The following POU2F2 variants were observed in gnomAD, a reference collection of about 807,000 sequenced individuals.
POU2F2 encodes the protein POU class 2 homeobox 2, also known as POU domain, class 2, transcription factor 2.
In POU2F2, 14 loss-of-function variants were observed where a neutral mutation model predicts 63.5. The ratio of observed to expected loss-of-function variants is 0.22; its 90% CI spans 0.15 to 0.34. POU2F2 has a LOEUF of 0.34. POU2F2 is among the 10% of genes least tolerant of loss of function. POU2F2 has a pLI of 1.00. For synonymous variants in POU2F2, 306 were observed against 348.6 expected (o/e 0.88, Z 1.36); for missense variants, 607 against 815.2 (o/e 0.74, Z 3.11).
intron 2 of POU2F2, among the ~76,000 whole-genome samples, chr19:42,150,614 G>A (rs1052449179): frequency 1.5e-4 from 22 of 145,608 alleles, no homozygotes; most frequent in African/African-American, 4.4e-4. Context: ...CCTTCGCAGC[G>A]ACCAGGGCCC....
rs1439733127 is a variant in POU2F2 at position 42,087,421 on chromosome 19, C to T, written c.*3836G>A. 5.3e-5 allele frequency: 8 copies of T among 151,956 alleles called. No individual in the cohort carries two copies. The highest frequency in any genetic ancestry group is 1.0e-4 in the Non-Finnish European group (7 of 68,002). 9.4% of individuals were successfully genotyped at this position (151,956 alleles called of 1,614,324 possible). On this transcript the variant is annotated 3_prime_UTR_variant, in exon 15 of 15. Transcript: ENST00000692977. The stretch of plus-strand genomic sequence containing the variant: ...AGATCTCCCCAGGGCTTGGAGAGCC[C>T]GTCATGGCCTTCTCCAGGGAGATGG...
chr19:42,163,869 G>A (rs923085949), intron 1 of POU2F2, among the ~76,000 whole-genome samples: 1 of 152,134 alleles, frequency 6.6e-6, no homozygotes, highest in Non-Finnish European at 1.5e-5. Flanking sequence ...TAGAGTTGTT[G>A]AAAACATGTT....
rs1238062394 is a variant in POU2F2 at position 42,089,270 on chromosome 19, GGA to G, written c.*1985_*1986del. Reference sequence around the variant, plus strand: ...AGGAGAGGAGAGAGGAAGGAGGGGAGGAGAGAGGAAGGAGGGGAGGAGAGAGG... The same window carrying G: ...AGGAGAGGAGAGAGGAAGGAGGGGAGGAGAGGAAGGAGGGGAGGAGAGAGG... On this transcript the variant is annotated 3_prime_UTR_variant, in exon 15 of 15. Transcript: ENST00000692977. 1 of 152,536 alleles carries G rather than the reference GGA, an allele frequency of 6.6e-6. No homozygotes were observed. Among genetic ancestry groups the G allele is most frequent in the Non-Finnish European group, 1.5e-5 (1 of 68,016 alleles). 9.4% of individuals were successfully genotyped at this position (152,536 alleles called of 1,614,324 possible).
chr19:42,190,656 C>A (rs146280835), intron 1 of POU2F2, among the ~76,000 whole-genome samples: 1 of 152,028 alleles, frequency 6.6e-6, no homozygotes, highest in Non-Finnish European at 1.5e-5. Flanking sequence ...GAATTCGAGA[C>A]CAGCCTGGCC....
intron 2 of POU2F2, among the ~76,000 whole-genome samples, chr19:42,139,953 C>T (rs2034094241): frequency 6.6e-6 from 1 of 152,198 alleles, no homozygotes; most frequent in African/African-American, 2.4e-5. Context: ...GAAGCTGAGG[C>T]CCACAGTCAC....
In POU2F2 at chr19:42,096,245, TGGTGGGGTGGGCA is replaced by T; in HGVS notation, c.568-15_568-3del. The stretch of plus-strand genomic sequence containing the variant: ...GGGCAGCGTAGGGCGGGTCACGGCC[TGGTGGGGTGGGCA>T]GGTGGGTGGGATGCAGGGCGGAGGA... On this transcript the variant is annotated splice_region_variant and splice_polypyrimidine_tract_variant and intron_variant, in intron 7 of 14. Transcript: ENST00000692977. The surrounding 1 kb of genome is among the most constrained non-coding windows in gnomAD (Gnocchi z 4.1). 2 of 1,216,204 alleles carry T rather than the reference TGGTGGGGTGGGCA, an allele frequency of 1.6e-6. No individual in the cohort carries two copies. The highest frequency in any genetic ancestry group is 2.3e-6 in the Non-Finnish European group (2 of 871,628). 75.3% of individuals were successfully genotyped at this position (1,216,204 alleles called of 1,614,324 possible). A position where few individuals can be genotyped will look rare whatever the true frequency, so the allele number is the denominator to read the frequency against.
Position 42,167,327 on chromosome 19 carries a change from G to A in POU2F2, c.-69-6935C>T, listed in dbSNP as rs543314255. On this transcript the variant is annotated intron_variant, in intron 1 of 6. Transcript: ENST00000524801. ...AAATTAGGTAGGCATGGTGGCGTGC[G>A]CCTGTAGTCCCAGCTACTCAAGAGG... 3.9e-5 allele frequency among the ~76,000 whole-genome samples: 6 copies of A among 151,954 alleles called. No homozygotes were observed. The East Asian group carries it at 7.7e-4, about 20-fold the overall frequency.
At position 42,156,892 on chromosome 19, in the gene POU2F2, T is replaced by C. The variant is rs1167903692; in HGVS notation, c.-9+3440A>G. On this transcript the variant is annotated intron_variant, in intron 2 of 6. Transcript: ENST00000524801. The surrounding 1 kb of genome is among the most constrained non-coding windows in gnomAD (Gnocchi z 4.1). Reference sequence around the variant, plus strand: ...AGACCCAGGATGAAAGCCGCTCACCTAGAGCAAAGCTTCTGCTTCCGAGGC... The same window carrying C: ...AGACCCAGGATGAAAGCCGCTCACCCAGAGCAAAGCTTCTGCTTCCGAGGC... 6.6e-6 allele frequency: 1 copy of C among 152,258 alleles called. No individual in the cohort carries two copies. Among genetic ancestry groups the C allele is most frequent in the Admixed American group, 6.5e-5 (1 of 15,290 alleles). The allele number at this position is 152,258 out of a possible 1,614,324, so 9.4% of individuals were successfully genotyped here.
chr19:42,160,724 G>C (rs2034536743), intron 1 of POU2F2, among the ~76,000 whole-genome samples: 1 of 152,198 alleles, frequency 6.6e-6, no homozygotes, highest in Non-Finnish European at 1.5e-5. Context: ...TTTGGCAGAG[G>C]GCCTGGCAAA....
intron 1 of POU2F2, among the ~76,000 whole-genome samples, chr19:42,188,381 A>T (rs569287435): frequency 7.9e-5 from 12 of 151,248 alleles, no homozygotes; most frequent in African/African-American, 2.7e-4. Context: ...AAAAAAAAAG[A>T]AAAAAAGGGC....
rs1374692620 is a variant in POU2F2 at position 42,089,655 on chromosome 19, G to C, written c.*1602C>G. 6.6e-6 allele frequency: 1 copy of C among 151,440 alleles called. No homozygotes were observed. The highest frequency in any genetic ancestry group is 1.9e-4 in the East Asian group (1 of 5,136). 9.4% of individuals were successfully genotyped at this position (151,440 alleles called of 1,614,324 possible). Reference sequence around the variant, plus strand: ...GCCTGGACCACCGGTGCAGGGGCTTGGCTCCGCCTCGCGGTTCCATCTTAT... The same window carrying C: ...GCCTGGACCACCGGTGCAGGGGCTTCGCTCCGCCTCGCGGTTCCATCTTAT... On this transcript the variant is annotated 3_prime_UTR_variant, in exon 15 of 15. Coordinates refer to ENST00000692977, the MANE Select transcript of POU2F2 (RefSeq NM_001394376.1).
chr19:42,192,170 G>A (rs139505364), intron 1 of POU2F2, among the ~76,000 whole-genome samples: 14 of 152,274 alleles, frequency 9.2e-5, no homozygotes, highest in Admixed American at 1.3e-4. Context: ...AGATCATTAC[G>A]AGGATGGATT....
intron 5 of POU2F2, among the ~76,000 whole-genome samples, chr19:42,106,051 C>CTTT (rs1555897213): frequency 3.8e-5 from 3 of 78,970 alleles, no homozygotes; most frequent in Non-Finnish European, 8.6e-5. Context: ...TTCTTTCTTT[C>CTTT]TTCTTTCTTT....
chr19:42,190,098 G>C (rs923804915), intron 1 of POU2F2, among the ~76,000 whole-genome samples: 1 of 152,128 alleles, frequency 6.6e-6, no homozygotes, highest in Non-Finnish European at 1.5e-5. Context: ...AAGGAAGACA[G>C]AGAAGAGGGA....
rs1214603539 is a variant in POU2F2 at position 42,171,431 on chromosome 19, C to CTTGTGT, written c.-70+4531_-70+4532insACACAA. Among the ~76,000 whole-genome samples the CTTGTGT allele has an allele frequency of 1.4e-3, 191 of 138,644 alleles. 2 individuals carry two copies. The highest frequency in any genetic ancestry group is 4.6e-3 in the African/African-American group (174 of 37,910). 91.0% of individuals were successfully genotyped at this position (138,644 alleles called of 152,430 possible). The stretch of plus-strand genomic sequence containing the variant: ...AGATGGAATGTCAGGGGCTGCGCTT[C>CTTGTGT]GTGTGTGTGTGTGTGTGTGTGTGTG... On this transcript the variant is annotated intron_variant, in intron 1 of 6. Coordinates refer to the POU2F2 transcript ENST00000524801.
intron 1 of POU2F2, among the ~76,000 whole-genome samples, chr19:42,185,741 A>G (rs1400392880): frequency 1.3e-5 from 2 of 152,202 alleles, no homozygotes; most frequent in African/African-American, 4.8e-5. Context: ...CTATACTTGT[A>G]TGACCTCCAT....
rs539814540 is a variant in POU2F2 at position 42,154,088 on chromosome 19, G to A, written c.-9+6244C>T. On this transcript the variant is annotated intron_variant, in intron 2 of 6. Transcript: ENST00000524801. Reference sequence around the variant, plus strand: ...CTCCGTCCCTCCCAACCCCCCCAGCGCCACCCGCTCCCCCCGCCCTCCCCC... The same window carrying A: ...CTCCGTCCCTCCCAACCCCCCCAGCACCACCCGCTCCCCCCGCCCTCCCCC... Among the ~76,000 whole-genome samples, 224 of 124,534 alleles carry A rather than the reference G, an allele frequency of 1.8e-3. 1 individual carries two copies. Among genetic ancestry groups the A allele is most frequent in the African/African-American group, 5.4e-3 (186 of 34,178 alleles). The allele number at this position is 124,534 out of a possible 152,430, so 81.7% of individuals were successfully genotyped here. A position where few individuals can be genotyped will look rare whatever the true frequency, so the allele number is the denominator to read the frequency against.
chr19:42,197,490 G>C (rs1029443325), upstream of POU2F2, among the ~76,000 whole-genome samples: 2 of 152,254 alleles, frequency 1.3e-5, no homozygotes, highest in Non-Finnish European at 2.9e-5. Flanking sequence ...TCCAGAACAG[G>C]CTCCAAGGTG....
intron 2 of POU2F2, among the ~76,000 whole-genome samples, chr19:42,147,908 A>G (rs2034264336): frequency 6.6e-6 from 1 of 152,112 alleles, no homozygotes; most frequent in South Asian, 2.1e-4. Context: ...CCTGACCCCT[A>G]TGAGGTAGTA....
Sources: allele counts gnomAD v4.1 joint callset (sites outside exome capture counted in the v4.1 genomes callset), GRCh38; gene constraint gnomAD v4.1.1; non-coding constraint Gnocchi (gnomAD v3.1); transcripts MANE v1.5; gene names NCBI Gene and HGNC (gene_info 2026-07-23, HGNC 2026-07-21).